The following NTNG2 variants were observed in gnomAD, a reference collection of about 807,000 sequenced individuals.
NTNG2 encodes the protein netrin G2.
A neutral mutation model predicts 47.6 loss-of-function variants in NTNG2; 15 were observed. That is an observed-to-expected ratio of 0.32 (90% CI 0.21 to 0.49). The LOEUF is 0.49. NTNG2 is among the 20% of genes least tolerant of loss of function. NTNG2 has a pLI of 0.99. For missense variants in NTNG2, 578 were observed against 764.6 expected, an observed-to-expected ratio of 0.76 and a Z score of 2.88; for synonymous variants, 307 against 324.6, an observed-to-expected ratio of 0.95 and a Z score of 0.58.
chr9:132,222,857 G>A (rs535756859), intron 3 of NTNG2, among the ~76,000 whole-genome samples: 1 of 152,254 alleles, frequency 6.6e-6, no homozygotes, highest in African/African-American at 2.4e-5. Flanking sequence ...TATAATCCCA[G>A]CACTTTGGGA....
At position 132,236,520 on chromosome 9, in the gene NTNG2, C is replaced by T. The variant is rs1841638337; in HGVS notation, c.1055-2584C>T. Among the ~76,000 whole-genome samples, 1 of 152,236 alleles carries T rather than the reference C, an allele frequency of 6.6e-6. No homozygotes were observed. ...CCTTCCAGCTCACATGTTCAAATTT[C>T]CTCCAGCCCCAGCTCTGAGCAGCGA... On this transcript the variant is annotated intron_variant, in intron 5 of 7. Coordinates refer to ENST00000393229, the MANE Select transcript of NTNG2 (RefSeq NM_032536.4). The surrounding 1 kb of genome is among the most constrained non-coding windows in gnomAD (Gnocchi z 4.3).
rs1842132182 is a variant in NTNG2, at chr9:132,244,072, G to A, written c.*1961G>A. 1 of 152,262 alleles carries A rather than the reference G, an allele frequency of 6.6e-6. No individual in the cohort carries two copies. The highest frequency in any genetic ancestry group is 1.5e-5 in the Non-Finnish European group (1 of 68,068). 9.4% of individuals were successfully genotyped at this position (152,262 alleles called of 1,614,324 possible). On this transcript the variant is annotated 3_prime_UTR_variant, in exon 8 of 8. Transcript: ENST00000393229. ...CAGGGGACACAGCTCTGGGCAGTGA[G>A]ATGTAAGCAGGACTGATGGGTGGGC...
chr9:132,170,646 C>T (rs1220783134), intron 2 of NTNG2, among the ~76,000 whole-genome samples: 1 of 152,156 alleles, frequency 6.6e-6, no homozygotes, highest in Non-Finnish European at 1.5e-5. Flanking sequence ...GGGGGAAACC[C>T]TTCCTTTGTG....
intron 5 of NTNG2, among the ~76,000 whole-genome samples, chr9:132,235,350 G>A (rs984828906): frequency 1.1e-4 from 16 of 152,214 alleles, no homozygotes; most frequent in African/African-American, 2.4e-4. Context: ...GAACGGGGAC[G>A]GCACAGGGAG....
In NTNG2 at chr9:132,198,263, T is replaced by C; in HGVS notation, c.511T>C (p.Cys171Arg). 4 of 1,612,884 alleles carry C rather than the reference T, an allele frequency of 2.5e-6. No homozygotes were observed. The highest frequency in any genetic ancestry group is 3.4e-6 in the Non-Finnish European group (4 of 1,180,004). The change falls in exon 3 of 8, where the codon TGC (cysteine) becomes CGC (arginine). Residue 171 changes from cysteine to arginine, a missense_variant. Coordinates refer to ENST00000393229, the MANE Select transcript of NTNG2 (RefSeq NM_032536.4). ...WQPYQFYAED[C>R]MEAFGMSARR... is the part of the protein sequence containing the mutation. Reference sequence around the variant, plus strand: ...GCCCTACCAGTTCTACGCCGAGGACTGCATGGAGGCCTTCGGTATGTCCGC... The same window carrying C: ...GCCCTACCAGTTCTACGCCGAGGACCGCATGGAGGCCTTCGGTATGTCCGC...
intron 4 of NTNG2, among the ~76,000 whole-genome samples, chr9:132,229,901 T>G (rs1431884536): frequency 6.6e-6 from 1 of 152,174 alleles, no homozygotes; most frequent in Non-Finnish European, 1.5e-5. Context: ...CACACCAGGA[T>G]CATAGGCCTC....
At chr9:132,206,432 C>T (rs374288421) in intron 3 of NTNG2, among the ~76,000 whole-genome samples, 15 of 152,118 alleles carry the variant, frequency 9.9e-5, no homozygotes, top group East Asian at 7.7e-4. Context: ...TTTGGGAGGC[C>T]GAGGCAGGTC....
intron 2 of NTNG2, among the ~76,000 whole-genome samples, chr9:132,168,560 AGG>A (rs1290465879): frequency 6.6e-6 from 1 of 151,534 alleles, no homozygotes; most frequent in Admixed American, 6.6e-5. Context: ...AGAGAGAGGG[AGG>A]GAGAGAGGGA....
At chr9:132,203,676 G>C (rs1838953651) in intron 3 of NTNG2, among the ~76,000 whole-genome samples, 1 of 152,232 alleles carries the variant, frequency 6.6e-6, no homozygotes, top group African/African-American at 2.4e-5. Flanking sequence ...GCTCTGAAAT[G>C]CTCAGTGTCC....
chr9:132,167,507 G>C (rs946227042), intron 2 of NTNG2, among the ~76,000 whole-genome samples: 2 of 152,224 alleles, frequency 1.3e-5, no homozygotes, highest in African/African-American at 4.8e-5. Context: ...CATGAAGCTA[G>C]AGCATGCCAA....
chr9:132,195,751 C>T (rs995496456), intron 2 of NTNG2, among the ~76,000 whole-genome samples: 2 of 151,660 alleles, frequency 1.3e-5, no homozygotes, highest in African/African-American at 4.8e-5. Flanking sequence ...GCCCCAGCCT[C>T]CCAAGTAGCT....
At chr9:132,174,808 G>A (rs1328757834) in intron 2 of NTNG2, among the ~76,000 whole-genome samples, 1 of 152,014 alleles carries the variant, frequency 6.6e-6, no homozygotes, top group East Asian at 1.9e-4. Flanking sequence ...TGTAATCCCA[G>A]CTACTTGGGA....
At chr9:132,234,417 A>G (rs1841472055) in intron 5 of NTNG2, among the ~76,000 whole-genome samples, 1 of 152,236 alleles carries the variant, frequency 6.6e-6, no homozygotes, top group East Asian at 1.9e-4. Context: ...CACAGCACAC[A>G]GGCCATGGCG....
rs1430948207 is a variant in NTNG2, at chr9:132,163,283, C to G, written c.-484+1044C>G. Among the ~76,000 whole-genome samples the G allele has an allele frequency of 6.6e-6, 1 of 151,960 alleles. No homozygotes were observed. ...ACTGACTCGACCCTGGCCCCGGCCTCGACCCCGCCCGCGGCCCGCCGGGAC... is the reference window on the plus strand; with the variant it reads ...ACTGACTCGACCCTGGCCCCGGCCTGGACCCCGCCCGCGGCCCGCCGGGAC... On this transcript the variant is annotated intron_variant, in intron 1 of 7. Transcript: ENST00000393229. This position sits in a 1 kb window ranked among gnomAD's most constrained non-coding sequence, Gnocchi z 7.2.
chr9:132,204,459 C>T (rs985325449), intron 3 of NTNG2, among the ~76,000 whole-genome samples: 3 of 152,026 alleles, frequency 2.0e-5, no homozygotes, highest in Admixed American at 1.3e-4. Flanking sequence ...GGCAGGTGGG[C>T]GCGGGGAGGG....
At chr9:132,223,342 T>TC (rs761949972) in intron 3 of NTNG2, among the ~76,000 whole-genome samples, 14 of 151,914 alleles carry the variant, frequency 9.2e-5, no homozygotes, top group Non-Finnish European at 1.6e-4. Flanking sequence ...TCATTCCCAC[T>TC]CAGACAGGGA....
At chr9:132,193,432 C>T (rs888525049) in intron 2 of NTNG2, among the ~76,000 whole-genome samples, 8 of 152,118 alleles carry the variant, frequency 5.3e-5, no homozygotes, top group African/African-American at 1.9e-4. Flanking sequence ...CTGGAGGAGG[C>T]ACATGTGGGA....
At position 132,230,555 on chromosome 9, in the gene NTNG2, C is replaced by T. The variant is rs1349773818; in HGVS notation, c.1031-17C>T. 1.3e-6 allele frequency: 2 copies of T among 1,599,566 alleles called. No individual in the cohort carries two copies. Among genetic ancestry groups the T allele is most frequent in the Admixed American group, 3.4e-5 (2 of 58,298 alleles). ...TTCCCCTGGGGCAGCCAGCTCACGCCCGTCTCTCTCCCACAGGTGCCACTG... is the reference window on the plus strand; with the variant it reads ...TTCCCCTGGGGCAGCCAGCTCACGCTCGTCTCTCTCCCACAGGTGCCACTG... On this transcript the variant is annotated splice_polypyrimidine_tract_variant and intron_variant, in intron 4 of 7. Transcript: ENST00000393229.
intron 2 of NTNG2, among the ~76,000 whole-genome samples, chr9:132,192,458 G>C (rs1837969376): frequency 6.6e-6 from 1 of 152,208 alleles, no homozygotes; most frequent in Non-Finnish European, 1.5e-5. Flanking sequence ...AGGCGTGGTG[G>C]CGCACGCCTG....
Sources: allele counts gnomAD v4.1 joint callset (sites outside exome capture counted in the v4.1 genomes callset), GRCh38; gene constraint gnomAD v4.1.1; non-coding constraint Gnocchi (gnomAD v3.1); transcripts MANE v1.5; gene names NCBI Gene and HGNC (gene_info 2026-07-23, HGNC 2026-07-21).